The following HIBCH variants were observed in gnomAD, a reference collection of about 807,000 sequenced individuals.
HIBCH encodes the protein 3-hydroxyisobutyryl-CoA hydrolase.
A neutral mutation model predicts 58.2 loss-of-function variants in HIBCH; 50 were observed. The ratio of observed to expected loss-of-function variants is 0.86; its 90% CI spans 0.68 to 1.09. HIBCH has a LOEUF of 1.09. HIBCH is among the 50% of genes least tolerant of loss of function. The probability of loss-of-function intolerance (pLI) is 0.00; values close to 1 mark genes in which losing one functional copy is unlikely to be tolerated. For missense variants in HIBCH, 450 were observed against 449.7 expected (o/e 1.00, Z -0.01); for synonymous variants, 151 against 146.9 (o/e 1.03, Z -0.20).
chr2:190,193,749 C>A (rs116337048), intron 1 of HIBCH, among the ~76,000 whole-genome samples: 2 of 152,062 alleles, frequency 1.3e-5, no homozygotes, highest in African/African-American at 2.4e-5. Context: ...TCTATTAGAT[C>A]TTTTTAAAGA....
At chr2:190,228,834 C>G (rs1212746471) in intron 11 of HIBCH, among the ~76,000 whole-genome samples, 1 of 152,122 alleles carries the variant, frequency 6.6e-6, no homozygotes, top group Non-Finnish European at 1.5e-5. Context: ...ATTCTCATTT[C>G]AATTCAAAAA....
At chr2:190,192,454 G>C (rs1352229834) in intron 1 of HIBCH, among the ~76,000 whole-genome samples, 2 of 64,204 alleles carry the variant, frequency 3.1e-5, no homozygotes, top group South Asian at 4.1e-4. Flanking sequence ...TTCAGAATCT[G>C]TGTGTGTGTG....
intron 1 of HIBCH, among the ~76,000 whole-genome samples, chr2:190,195,448 T>C (rs1689924194): frequency 6.6e-6 from 1 of 152,242 alleles, no homozygotes. Context: ...CAACAGTGAA[T>C]GAGAGTTCTG....
In HIBCH at chr2:190,209,320, C is replaced by T. The variant is rs1171341877; in HGVS notation, c.1012-407G>A. On this transcript the variant is annotated intron_variant, in intron 12 of 13. Transcript: ENST00000359678. This position sits in a 1 kb window ranked among gnomAD's most constrained non-coding sequence, Gnocchi z 5.6. ...GCACCAACTAAACCCTATCACGTAC[C>T]CCTGCCTGCACTTCAGCAGCTAAGT... Among the ~76,000 whole-genome samples, 1 of 152,094 alleles carries T rather than the reference C, an allele frequency of 6.6e-6. No homozygotes were observed. The highest frequency in any genetic ancestry group is 2.4e-5 in the African/African-American group (1 of 41,398).
chr2:190,213,750 C>G (rs777554651), intron 11 of HIBCH: 1 of 152,426 alleles, frequency 6.6e-6, no homozygotes, highest in Non-Finnish European at 1.5e-5. Context: ...GCAAGACAAC[C>G]CTAAAAAAAA....
At chr2:190,290,352 G>T in intron 5 of HIBCH, 53 bp downstream of exon 5, 1 of 1,204,640 alleles carries the variant, frequency 8.3e-7, no homozygotes, top group Non-Finnish European at 1.2e-6. Context: ...AGTACATACT[G>T]TCCACCTCAT....
chr2:190,298,871 G>C (rs571849947), intron 2 of HIBCH, among the ~76,000 whole-genome samples: 1 of 152,214 alleles, frequency 6.6e-6, no homozygotes, highest in African/African-American at 2.4e-5. Flanking sequence ...GGTTTTTACT[G>C]TTTTGGGTTT....
rs1264030851 is a variant in HIBCH at position 190,319,736 on chromosome 2, C to T, written c.15G>A (p.Glu5=). ...CTCACCTCGACATGAGCCTCCACATCTCGCGCTGCCCCATCGCCAAACACT... is the reference window on the plus strand; with the variant it reads ...CTCACCTCGACATGAGCCTCCACATTTCGCGCTGCCCCATCGCCAAACACT... MGQR[E]MWRLMSRFNA... The change falls in exon 1 of 14, where the codon GAG becomes GAA. Residue 5 remains glutamate (E), a synonymous_variant. Transcript: ENST00000359678. The T allele has an allele frequency of 6.2e-7, 1 of 1,613,006 alleles. No homozygotes were observed. Among genetic ancestry groups the T allele is most frequent in the Non-Finnish European group, 8.5e-7 (1 of 1,179,536 alleles).
At chr2:190,302,954 G>A (rs1304719821) in intron 2 of HIBCH, among the ~76,000 whole-genome samples, 1 of 152,182 alleles carries the variant, frequency 6.6e-6, no homozygotes, top group African/African-American at 2.4e-5. Flanking sequence ...ATGGTAGCAA[G>A]GAGCAGGTAA....
At chr2:190,246,032 G>T (rs1303353059) in intron 10 of HIBCH, 122 bp downstream of exon 10, 16 of 556,906 alleles carry the variant, frequency 2.9e-5, no homozygotes, top group East Asian at 7.0e-5. Context: ...TATACTTTCT[G>T]ATCTCAGAAT....
chr2:190,200,245 G>A, downstream of HIBCH: 1 of 980,148 alleles, frequency 1.0e-6, no homozygotes, highest in Non-Finnish European at 1.6e-6. Flanking sequence ...TAACTATCTG[G>A]ATTTAAAAAT....
intron 1 of HIBCH, among the ~76,000 whole-genome samples, chr2:190,319,039 TC>T (rs1688779786): frequency 6.6e-6 from 1 of 152,160 alleles, no homozygotes; most frequent in Non-Finnish European, 1.5e-5. Flanking sequence ...AGGACGGTTC[TC>T]CCTTCAAGTG....
intron 2 of HIBCH, among the ~76,000 whole-genome samples, chr2:190,301,016 T>C (rs1300519366): frequency 6.6e-6 from 1 of 152,138 alleles, no homozygotes; most frequent in Non-Finnish European, 1.5e-5. Context: ...ATGTTGGAAA[T>C]GGAAGTGAAG....
At position 190,243,728 on chromosome 2, in the gene HIBCH, G is replaced by T. The variant is rs1686518511; in HGVS notation, c.891+1159C>A. Among the ~76,000 whole-genome samples, 1 of 152,140 alleles carries T rather than the reference G, an allele frequency of 6.6e-6. No homozygotes were observed. Among genetic ancestry groups the T allele is most frequent in the African/African-American group, 2.4e-5 (1 of 41,428 alleles). On this transcript the variant is annotated intron_variant, in intron 11 of 13. Coordinates refer to ENST00000359678, the MANE Select transcript of HIBCH (RefSeq NM_014362.4). This position sits in a 1 kb window ranked among gnomAD's most constrained non-coding sequence, Gnocchi z 4.1. ...CACACCTGTAATCCCAGCACTTTGGGAAGCTGAGGTGGGTGAATCACTTGA... is the reference window on the plus strand; with the variant it reads ...CACACCTGTAATCCCAGCACTTTGGTAAGCTGAGGTGGGTGAATCACTTGA...
chr2:190,310,904 G>T, intron 1 of HIBCH, 108 bp from the exon 2 acceptor site: 2 of 735,990 alleles, frequency 2.7e-6, no homozygotes, highest in Non-Finnish European at 4.6e-6. Context: ...GGTATTACCA[G>T]AACAAAAAGT....
rs1217433234 is a variant in HIBCH at position 190,319,731 on chromosome 2, C to A, written c.20G>T (p.Trp7Leu). The A allele has an allele frequency of 1.2e-6, 2 of 1,612,980 alleles. No individual in the cohort carries two copies. The highest frequency in any genetic ancestry group is 1.7e-6 in the Non-Finnish European group (2 of 1,179,472). MGQREM[W>L]RLMSRFNAFK... ...TCTCACTCACCTCGACATGAGCCTC[C>A]ACATCTCGCGCTGCCCCATCGCCAA... is the stretch of plus-strand genomic sequence containing the variant. The change falls in exon 1 of 14, where the codon TGG becomes TTG. Residue 7 changes from tryptophan (W) to leucine (L), a missense_variant. Trp to Leu is a moderately conservative substitution (Grantham distance 61). Coordinates refer to ENST00000359678, the MANE Select transcript of HIBCH (RefSeq NM_014362.4).
Position 190,310,825 on chromosome 2 carries a change from C to T in HIBCH, c.36-29G>A, listed in dbSNP as rs956077837. On this transcript the variant is annotated intron_variant, in intron 1 of 13. Coordinates refer to ENST00000359678, the MANE Select transcript of HIBCH (RefSeq NM_014362.4). ...AAACAAATGTGGAAAACAATGAGAACAGTAATGTGGGTAGTCATGTCTCAG... is the reference window on the plus strand; with the variant it reads ...AAACAAATGTGGAAAACAATGAGAATAGTAATGTGGGTAGTCATGTCTCAG... 4.0e-6 allele frequency: 6 copies of T among 1,512,300 alleles called. No homozygotes were observed. In the Admixed American group the frequency reaches 6.7e-5, roughly 17 times the overall value. 93.7% of individuals were successfully genotyped at this position (1,512,300 alleles called of 1,614,324 possible). A position where few individuals can be genotyped will look rare whatever the true frequency, so the allele number is the denominator to read the frequency against.
rs890185085 is a variant in HIBCH at position 190,236,471 on chromosome 2, A to G, written c.891+8416T>C. ...ATCATCTTAAACCTTACAAACATATATCTATAAATCATTTCCAGAAGTGTT... is the reference window on the plus strand; with the variant it reads ...ATCATCTTAAACCTTACAAACATATGTCTATAAATCATTTCCAGAAGTGTT... On this transcript the variant is annotated intron_variant, in intron 11 of 13. Transcript: ENST00000359678. The surrounding 1 kb of genome is among the most constrained non-coding windows in gnomAD (Gnocchi z 4.1). 3.3e-5 allele frequency among the ~76,000 whole-genome samples: 5 copies of G among 152,328 alleles called. No individual in the cohort carries two copies. The East Asian group carries it at 9.6e-4, about 29-fold the overall frequency.
chr2:190,244,812 A>T, intron 11 of HIBCH, 75 bp downstream of exon 11: 1 of 928,038 alleles, frequency 1.1e-6, no homozygotes, highest in Non-Finnish European at 1.8e-6. Flanking sequence ...TGGAGCACTA[A>T]TACCCCCTTA....
Sources: gnomAD v4.1 joint callset for allele counts (sites outside exome capture counted in the v4.1 genomes callset) on GRCh38, gnomAD v4.1.1 for gene constraint, Gnocchi (gnomAD v3.1) non-coding constraint, MANE v1.5 for transcripts, NCBI Gene and HGNC (gene_info 2026-07-23, HGNC 2026-07-21) for gene names.